Variants in GBE1 observed in about 807,000 individuals in gnomAD.
GBE1 encodes 1,4-alpha-glucan branching enzyme 1.
A neutral mutation model predicts 88.8 loss-of-function variants in GBE1; 70 were observed. That is an observed-to-expected ratio of 0.79 (90% CI 0.65 to 0.96). The LOEUF (loss-of-function observed/expected upper bound fraction) is 0.96. Among genes scored for constraint, GBE1 ranks in the 40% least tolerant of loss-of-function variants. The probability of loss-of-function intolerance (pLI) is 0.00; values close to 1 mark genes in which losing one functional copy is unlikely to be tolerated. For synonymous variants in GBE1, 284 were observed against 300.1 expected (o/e 0.95, Z 0.56); for missense variants, 872 against 871.0 (o/e 1.00, Z -0.01).
At chr3:81,660,448 C>T (rs1393103662) in intron 3 of GBE1, among the ~76,000 whole-genome samples, 1 of 152,070 alleles carries the variant, frequency 6.6e-6, no homozygotes, top group Non-Finnish European at 1.5e-5. Context: ...GTGACAACTC[C>T]TCTGGAAAAG....
rs1435259376 is a variant in GBE1 at position 81,504,224 on chromosome 3, C to T, written c.1935-4997G>A. Among the ~76,000 whole-genome samples the T allele has an allele frequency of 3.3e-5, 5 of 151,980 alleles. No individual in the cohort carries two copies. In the East Asian group the frequency reaches 9.6e-4, roughly 29 times the overall value. On this transcript the variant is annotated intron_variant, in intron 14 of 15. Transcript: ENST00000429644. ...TATCCAAAACATATCACATTCCAAG[C>T]ATAAAGAGGACAGAATGAAAATGAC...
At chr3:81,668,471 G>A (rs910300476) in intron 3 of GBE1, among the ~76,000 whole-genome samples, 1 of 152,132 alleles carries the variant, frequency 6.6e-6, no homozygotes, top group Non-Finnish European at 1.5e-5. Context: ...TTACTGTATC[G>A]AGTTCTTGTA....
intron 3 of GBE1, among the ~76,000 whole-genome samples, chr3:81,666,903 G>A (rs1168411864): frequency 4.6e-5 from 7 of 152,150 alleles, no homozygotes; most frequent in Non-Finnish European, 1.0e-4. Flanking sequence ...AATGAAAGCT[G>A]TTCCAGCTCC....
intron 15 of GBE1, among the ~76,000 whole-genome samples, chr3:81,492,636 C>T (rs567305925): frequency 1.3e-5 from 2 of 151,882 alleles, no homozygotes; most frequent in South Asian, 2.1e-4. Context: ...TCTCTTCCTT[C>T]CTTCCTTTCT....
chr3:81,527,925 TATTGCGGCACTATTCACGATA>T (rs1300301004), intron 14 of GBE1, among the ~76,000 whole-genome samples: 1 of 152,062 alleles, frequency 6.6e-6, no homozygotes, highest in East Asian at 1.9e-4. Context: ...CACGTATGTT[TATTGCGGCACTATTCACGATA>T]GCAAAGACTT....
At chr3:81,568,084 T>C (rs1703520636) in intron 12 of GBE1, among the ~76,000 whole-genome samples, 1 of 152,214 alleles carries the variant, frequency 6.6e-6, no homozygotes, top group South Asian at 2.1e-4. Context: ...AGAGAGTGTT[T>C]TTCTGTGATC....
intron 14 of GBE1, among the ~76,000 whole-genome samples, chr3:81,515,628 G>T (rs1702788002): frequency 6.6e-6 from 1 of 151,636 alleles, no homozygotes. Flanking sequence ...AAATGATTAA[G>T]CTTAGTGAGA....
chr3:81,591,265 A>G, intron 8 of GBE1, 101 bp from the exon 9 acceptor site: 1 of 919,206 alleles, frequency 1.1e-6, no homozygotes, highest in Non-Finnish European at 1.6e-6. Context: ...GAATTTTGTT[A>G]TTGTAGCAGT....
chr3:81,740,324 T>A (rs1706328572), intron 1 of GBE1, among the ~76,000 whole-genome samples: 1 of 152,154 alleles, frequency 6.6e-6, no homozygotes, highest in Non-Finnish European at 1.5e-5. Context: ...CACACCTGAA[T>A]TTTGTCTTAG....
intron 14 of GBE1, among the ~76,000 whole-genome samples, chr3:81,500,581 C>T (rs759119081): frequency 1.4e-4 from 22 of 152,224 alleles, no homozygotes; most frequent in Non-Finnish European, 2.4e-4. Context: ...TGGTTCACAA[C>T]GTAGGCTTTT....
At position 81,511,922 on chromosome 3, in the gene GBE1, T is replaced by C. The variant is rs75863730; in HGVS notation, c.1935-12695A>G. ...ATGTTTATCACAATACGATTTACAA[T>C]AGGAAAGGCAGGGAATCAACGTAGG... On this transcript the variant is annotated intron_variant, in intron 14 of 15. Coordinates refer to ENST00000429644, the MANE Select transcript of GBE1 (RefSeq NM_000158.4). 9.3e-3 allele frequency among the ~76,000 whole-genome samples: 1,393 copies of C among 149,640 alleles called. 29 individuals carry two copies. Among genetic ancestry groups the C allele is most frequent in the African/African-American group, 0.033 (1,333 of 40,752 alleles).
rs1358391862 is a variant in GBE1, at chr3:81,548,459, T to C, written c.1619-11364A>G. Among the ~76,000 whole-genome samples the C allele has an allele frequency of 1.3e-5, 2 of 151,438 alleles. 1 individual carries two copies. The highest frequency in any genetic ancestry group is 3.0e-5 in the Non-Finnish European group (2 of 67,634). ...TCTTTGGGCTATATTTGTTTAAATA[T>C]GTTGTTGGTATGTGTTCCAAAATTA... is the stretch of plus-strand genomic sequence containing the variant. On this transcript the variant is annotated intron_variant, in intron 12 of 15. Coordinates refer to ENST00000429644, the MANE Select transcript of GBE1 (RefSeq NM_000158.4).
At position 81,721,250 on chromosome 3, in the gene GBE1, A is replaced by G. The variant is rs984211116; in HGVS notation, c.144-15637T>C. Among the ~76,000 whole-genome samples, 21 of 97,462 alleles carry G rather than the reference A, an allele frequency of 2.2e-4. 3 individuals are homozygous for G. Among genetic ancestry groups the G allele is most frequent in the Non-Finnish European group, 4.0e-4 (20 of 49,770 alleles). The allele number at this position is 97,462 out of a possible 152,430, so 63.9% of individuals were successfully genotyped here. Reference sequence around the variant, plus strand: ...AAATAAATAAAAACACATGAAAAAAAAAAAAAAGAAAGAAAACCCAAAGCT... The same window carrying G: ...AAATAAATAAAAACACATGAAAAAAGAAAAAAAGAAAGAAAACCCAAAGCT... On this transcript the variant is annotated intron_variant, in intron 1 of 15. Coordinates refer to ENST00000429644, the MANE Select transcript of GBE1 (RefSeq NM_000158.4).
chr3:81,542,945 G>GA (rs1424562006), intron 12 of GBE1, among the ~76,000 whole-genome samples: 9 of 151,764 alleles, frequency 5.9e-5, no homozygotes. Flanking sequence ...CTGAGAAAAA[G>GA]AAAAAAGCAC....
chr3:81,503,117 T>C (rs1702610936), intron 14 of GBE1, among the ~76,000 whole-genome samples: 1 of 152,126 alleles, frequency 6.6e-6, no homozygotes, highest in Non-Finnish European at 1.5e-5. Flanking sequence ...GAAAGTACAA[T>C]AAATTATCTT....
At chr3:81,708,409 G>T (rs1705807552) in intron 1 of GBE1, among the ~76,000 whole-genome samples, 1 of 151,908 alleles carries the variant, frequency 6.6e-6, no homozygotes. Context: ...AATACAAGTG[G>T]CCAATAAACA....
chr3:81,681,334 C>A (rs550955116), intron 2 of GBE1, among the ~76,000 whole-genome samples: 6 of 152,244 alleles, frequency 3.9e-5, no homozygotes, highest in African/African-American at 1.4e-4. Flanking sequence ...ACTGTAGTTC[C>A]CTGTTACATG....
intron 14 of GBE1, among the ~76,000 whole-genome samples, chr3:81,516,880 G>A (rs1009638616): frequency 2.0e-5 from 3 of 151,598 alleles, no homozygotes; most frequent in Non-Finnish European, 4.4e-5. Context: ...CTGAATTGCT[G>A]CAGTCTCGTG....
At chr3:81,582,286 C>A (rs1042240184) in intron 10 of GBE1, among the ~76,000 whole-genome samples, 5 of 152,032 alleles carry the variant, frequency 3.3e-5, no homozygotes, top group Non-Finnish European at 7.4e-5. Context: ...AAAAAGCAGG[C>A]ATGAGTGTCA....
Sources: gnomAD v4.1 joint callset for allele counts (sites outside exome capture counted in the v4.1 genomes callset) on GRCh38, gnomAD v4.1.1 for gene constraint, MANE v1.5 for transcripts, NCBI Gene and HGNC (gene_info 2026-07-23, HGNC 2026-07-21) for gene names.